FAAH2: variants seen among roughly 807,000 people sequenced by gnomAD.
FAAH2 encodes fatty-acid amide hydrolase 2.
A neutral mutation model predicts 36.9 loss-of-function variants in FAAH2; 60 were observed. That is an observed-to-expected ratio of 1.63 (90% CI 1.32 to 2.02). FAAH2 has a LOEUF of 2.02. Ranked by LOEUF, FAAH2 falls within the 30% of genes most tolerant of loss-of-function variation. FAAH2 has a pLI of 0.00. For missense variants in FAAH2, 689 were observed against 397.5 expected, an observed-to-expected ratio of 1.73 and a Z score of -6.23; for synonymous variants, 214 against 143.8, an observed-to-expected ratio of 1.49 and a Z score of -3.49.
At chrX:57,161,383 G>T in the FAAH2 span, among the ~76,000 whole-genome samples, 2 of 111,283 alleles carry the variant, frequency 1.8e-5, no homozygotes, top group African/African-American at 3.3e-5. Flanking sequence ...GGTCCGCTTG[G>T]TGCAGAGCTG....
At chrX:57,172,296 T>TGGGAAG in the FAAH2 span, among the ~76,000 whole-genome samples, 1 of 111,704 alleles carries the variant, frequency 9.0e-6, no homozygotes, top group Non-Finnish European at 1.9e-5. Context: ...GAAATTGAGA[T>TGGGAAG]GGGAAGAGTT....
chrX:57,229,081 A>G, the FAAH2 span: 3 of 98,921 alleles, frequency 3.0e-5, no homozygotes, highest in Admixed American at 1.1e-4. Flanking sequence ...CAGAGCCCAC[A>G]GTTACACTGG....
At chrX:57,422,820 T>C (rs1015811624) in intron 7 of FAAH2, among the ~76,000 whole-genome samples, 35 of 111,759 alleles carry the variant, frequency 3.1e-4, no homozygotes, top group Non-Finnish European at 9.4e-5. Flanking sequence ...CACCTGAAAA[T>C]AGCAAAATAG....
At chrX:57,186,278 G>T in the FAAH2 span, among the ~76,000 whole-genome samples, 4 of 111,953 alleles carry the variant, frequency 3.6e-5, no homozygotes, top group Non-Finnish European at 5.6e-5. Flanking sequence ...TGCATAAGAT[G>T]GTATTTCATT....
At chrX:57,390,583 G>A in intron 7 of FAAH2, among the ~76,000 whole-genome samples, 1 of 111,350 alleles carries the variant, frequency 9.0e-6, no homozygotes, top group Non-Finnish European at 1.9e-5. Flanking sequence ...GTGAGAAACA[G>A]ACTTTCTGTT....
the FAAH2 span, among the ~76,000 whole-genome samples, chrX:57,266,904 G>T: frequency 4.4e-5 from 5 of 112,542 alleles, no homozygotes; most frequent in Non-Finnish European, 1.9e-5. Context: ...GCTCCCACAA[G>T]AGGCTTTAGC....
intron 8 of FAAH2, among the ~76,000 whole-genome samples, chrX:57,440,631 A>G (rs2056530017): frequency 1.8e-5 from 2 of 111,683 alleles, no homozygotes; most frequent in Non-Finnish European, 3.8e-5. Flanking sequence ...AGAACTTCCA[A>G]CACTATGTTG....
At chrX:57,470,412 G>A (rs759380411) in intron 10 of FAAH2, among the ~76,000 whole-genome samples, 15 of 111,167 alleles carry the variant, frequency 1.3e-4, no homozygotes, top group East Asian at 5.6e-4. Flanking sequence ...ATGATAAAGC[G>A]GATATCAACA....
At chrX:57,459,737 A>C (rs2056924971) in intron 10 of FAAH2, among the ~76,000 whole-genome samples, 1 of 112,301 alleles carries the variant, frequency 8.9e-6, no homozygotes, top group Non-Finnish European at 1.9e-5. Context: ...AAACTTCAGC[A>C]GACCTGCGGA....
At chrX:57,191,117 T>C in the FAAH2 span, among the ~76,000 whole-genome samples, 7 of 111,864 alleles carry the variant, frequency 6.3e-5, no homozygotes, top group African/African-American at 2.0e-4. Flanking sequence ...AGTGTATGAG[T>C]TCTCTCTTCT....
intron 10 of FAAH2, among the ~76,000 whole-genome samples, chrX:57,452,998 C>T (rs1202628812): frequency 5.4e-5 from 6 of 112,004 alleles, no homozygotes; most frequent in Non-Finnish European, 1.1e-4. Flanking sequence ...CCATGTTACA[C>T]AGCATCTGTT....
chrX:57,301,033 C>T lies in FAAH2; in HGVS notation c.275+8453C>T, dbSNP rs1335730334. 6.3e-5 allele frequency among the ~76,000 whole-genome samples: 7 copies of T among 110,581 alleles called. No individual in the cohort carries two copies. In the South Asian group the frequency reaches 2.7e-3, roughly 43 times the overall value. ...TTGGTGGGACTGTAAACTAGTTCAA[C>T]CCTTGTGGAAGTCAGTGTGGTGATT... is the stretch of plus-strand genomic sequence containing the variant. On this transcript the variant is annotated intron_variant, in intron 2 of 10. Transcript: ENST00000374900.
intron 7 of FAAH2, among the ~76,000 whole-genome samples, chrX:57,412,852 C>T (rs1227401354): frequency 1.8e-5 from 2 of 111,969 alleles, no homozygotes; most frequent in East Asian, 2.8e-4. Flanking sequence ...ACTGTAAAAG[C>T]GTTCCTATTT....
intron 10 of FAAH2, among the ~76,000 whole-genome samples, chrX:57,469,197 G>A (rs1158880427): frequency 1.8e-5 from 2 of 111,731 alleles, no homozygotes; most frequent in South Asian, 7.5e-4. Flanking sequence ...CAACTAACGA[G>A]CAAAATAACC....
the FAAH2 span, among the ~76,000 whole-genome samples, chrX:57,145,169 C>T: frequency 9.0e-6 from 1 of 110,973 alleles, no homozygotes; most frequent in African/African-American, 3.3e-5. Context: ...TTTACATTCC[C>T]ACCAGCAGTG....
chrX:57,471,127 A>G (rs1363742031), intron 10 of FAAH2, among the ~76,000 whole-genome samples: 1 of 111,816 alleles, frequency 8.9e-6, no homozygotes, highest in East Asian at 2.8e-4. Context: ...TAACAAACTC[A>G]CAGCCAATAT....
intron 10 of FAAH2, among the ~76,000 whole-genome samples, chrX:57,460,280 A>G (rs1422230057): frequency 9.0e-6 from 1 of 111,610 alleles, no homozygotes; most frequent in East Asian, 2.8e-4. Flanking sequence ...AAGACACACG[A>G]ACATTCAAAT....
At chrX:57,151,336 G>T in the FAAH2 span, among the ~76,000 whole-genome samples, 1 of 111,904 alleles carries the variant, frequency 8.9e-6, no homozygotes, top group Non-Finnish European at 1.9e-5. Flanking sequence ...AGTTCTCCTG[G>T]ATAATATCCT....
At chrX:57,237,881 C>T in the FAAH2 span, among the ~76,000 whole-genome samples, 1 of 111,202 alleles carries the variant, frequency 9.0e-6, no homozygotes, top group African/African-American at 3.3e-5. Context: ...TACCTGTGGC[C>T]AATGAGCATA....
Sources: allele counts gnomAD v4.1 joint callset (sites outside exome capture counted in the v4.1 genomes callset), GRCh38; gene constraint gnomAD v4.1.1; transcripts MANE v1.5; gene names NCBI Gene and HGNC (gene_info 2026-07-23, HGNC 2026-07-21).